Variants in MYCT1 observed in about 807,000 individuals in gnomAD.
The protein encoded by MYCT1 is MYC target 1, also known as myc target protein 1.
In MYCT1, 12 loss-of-function variants were observed where a neutral mutation model predicts 15.0. The ratio of observed to expected loss-of-function variants is 0.80; its 90% CI spans 0.51 to 1.29. The LOEUF (loss-of-function observed/expected upper bound fraction) is 1.29, where lower values mean the gene tolerates loss of function less well. Ranked by LOEUF, MYCT1 falls within the 50% of genes most tolerant of loss-of-function variation. MYCT1 has a pLI of 0.00. For missense variants in MYCT1, 287 were observed against 279.1 expected, an observed-to-expected ratio of 1.03 and a Z score of -0.20; for synonymous variants, 104 against 102.7, an observed-to-expected ratio of 1.01 and a Z score of -0.07.
At chr6:152,730,378 C>T in the MYCT1 span, among the ~76,000 whole-genome samples, 3 of 152,182 alleles carry the variant, frequency 2.0e-5, no homozygotes, top group Non-Finnish European at 4.4e-5. Context: ...CCATGCTCCC[C>T]GGTGGATTGA....
chr6:152,703,213 G>A (rs1198680859), intron 1 of MYCT1, among the ~76,000 whole-genome samples: 1 of 152,156 alleles, frequency 6.6e-6, no homozygotes, highest in African/African-American at 2.4e-5. Flanking sequence ...CAATTGGAGG[G>A]TTTTAAATGG....
intron 1 of MYCT1, among the ~76,000 whole-genome samples, chr6:152,706,578 A>G (rs2099722314): frequency 6.6e-6 from 1 of 152,158 alleles, no homozygotes; most frequent in Non-Finnish European, 1.5e-5. Context: ...TTTGTGTAAT[A>G]AAAGTTTGTT....
chr6:152,707,965 G>C (rs1018216248), intron 1 of MYCT1, among the ~76,000 whole-genome samples: 3 of 151,612 alleles, frequency 2.0e-5, no homozygotes, highest in Non-Finnish European at 4.4e-5. Flanking sequence ...TTGTTCCTTT[G>C]TATTGTCATC....
chr6:152,697,990 GA>G lies in MYCT1; in HGVS notation c.89del (p.Asp30AlafsTer27). On this transcript the variant is annotated frameshift_variant, in exon 1 of 2. Transcript: ENST00000367245. LOFTEE classifies it high-confidence loss of function. ...AGATAGAATCAAACTGCTTTTTTTC[GA>G]CATACTGGTTTTTCTTTCTGTTTTT... The part of the protein sequence containing the change: ...QRDRIKLLFF[D>X]ILVFLSVFLL... 1 of 1,607,042 alleles carries G rather than the reference GA, an allele frequency of 6.2e-7. No homozygotes were observed.
the MYCT1 span, among the ~76,000 whole-genome samples, chr6:152,738,220 TA>T: frequency 6.6e-6 from 1 of 152,092 alleles, no homozygotes; most frequent in African/African-American, 2.4e-5. Flanking sequence ...CATAGACATA[TA>T]TTTAACATGT....
intron 1 of MYCT1, among the ~76,000 whole-genome samples, chr6:152,712,475 G>A (rs1450509608): frequency 9.8e-5 from 7 of 71,148 alleles, no homozygotes; most frequent in Non-Finnish European, 1.3e-4. Flanking sequence ...GCAATGCCTC[G>A]CCCTGCTTCG....
At chr6:152,730,269 T>C in the MYCT1 span, among the ~76,000 whole-genome samples, 266 of 152,262 alleles carry the variant, frequency 1.7e-3, 2 homozygotes, top group African/African-American at 6.1e-3. Context: ...AGGGCCAATC[T>C]TCAGACGGAA....
intron 1 of MYCT1, among the ~76,000 whole-genome samples, chr6:152,716,353 A>G (rs1310339072): frequency 1.3e-5 from 2 of 152,184 alleles, no homozygotes; most frequent in African/African-American, 2.4e-5. Flanking sequence ...TATACACTCT[A>G]TGATACCAAG....
intron 1 of MYCT1, among the ~76,000 whole-genome samples, chr6:152,715,563 C>T (rs984544509): frequency 1.4e-5 from 1 of 72,290 alleles, no homozygotes; most frequent in Admixed American, 1.8e-4. Context: ...GTCTCATTCA[C>T]ATTTTCTTAG....
Position 152,722,414 on chromosome 6 carries a change from T to G in MYCT1, c.*161T>G. 1 of 652,338 alleles carries G rather than the reference T, an allele frequency of 1.5e-6. No homozygotes were observed. Among genetic ancestry groups the G allele is most frequent in the Non-Finnish European group, 2.5e-6 (1 of 407,456 alleles). 40.4% of individuals were successfully genotyped at this position (652,338 alleles called of 1,614,324 possible). Reference sequence around the variant, plus strand: ...TTGGACATTACAATGTAAAACACATTTTCTTCAAACACGTTTTCCCTTTTG... The same window carrying G: ...TTGGACATTACAATGTAAAACACATGTTCTTCAAACACGTTTTCCCTTTTG... On this transcript the variant is annotated 3_prime_UTR_variant, in exon 2 of 2. Coordinates refer to ENST00000367245, the MANE Select transcript of MYCT1 (RefSeq NM_025107.3).
intron 1 of MYCT1, among the ~76,000 whole-genome samples, chr6:152,707,540 C>T (rs1385050434): frequency 1.3e-5 from 2 of 151,698 alleles, no homozygotes; most frequent in Non-Finnish European, 2.9e-5. Context: ...TTGCTTTTTT[C>T]CTGTGCTGTC....
At chr6:152,716,593 A>G (rs2099723727) in intron 1 of MYCT1, among the ~76,000 whole-genome samples, 1 of 152,196 alleles carries the variant, frequency 6.6e-6, no homozygotes, top group Non-Finnish European at 1.5e-5. Context: ...CAATATTACA[A>G]TATTAAAATT....
At chr6:152,707,153 C>T (rs2099722432) in intron 1 of MYCT1, among the ~76,000 whole-genome samples, 1 of 152,076 alleles carries the variant, frequency 6.6e-6, no homozygotes, top group Non-Finnish European at 1.5e-5. Context: ...TCTCCACATC[C>T]TCACCAGCAC....
chr6:152,743,371 G>A, the MYCT1 span, among the ~76,000 whole-genome samples: 2 of 152,120 alleles, frequency 1.3e-5, no homozygotes, highest in Non-Finnish European at 1.5e-5. Flanking sequence ...CGGCCCTTGC[G>A]TGGTATTTCT....
intron 1 of MYCT1, among the ~76,000 whole-genome samples, chr6:152,699,740 T>C (rs1009942645): frequency 6.6e-6 from 1 of 152,064 alleles, no homozygotes; most frequent in Admixed American, 6.5e-5. Context: ...AAATTTCAGG[T>C]TTACTTAAAA....
chr6:152,728,478 G>C (rs1339749689), downstream of MYCT1, among the ~76,000 whole-genome samples: 1 of 151,998 alleles, frequency 6.6e-6, no homozygotes, highest in Non-Finnish European at 1.5e-5. Context: ...AGGATCAATG[G>C]GAAAAATCGT....
chr6:152,740,026 G>A, the MYCT1 span, among the ~76,000 whole-genome samples: 2 of 151,838 alleles, frequency 1.3e-5, no homozygotes, highest in East Asian at 1.9e-4. Context: ...TTTTATATAT[G>A]TATATTGTTA....
At chr6:152,721,599 C>T (rs1376073459) in intron 1 of MYCT1, 143 bp from the exon 2 acceptor site, 2 of 743,926 alleles carry the variant, frequency 2.7e-6, no homozygotes, top group East Asian at 5.4e-5. Flanking sequence ...TCATATCCAC[C>T]TAACACTGTC....
chr6:152,721,077 G>A (rs960356709), intron 1 of MYCT1, among the ~76,000 whole-genome samples: 63 of 152,176 alleles, frequency 4.1e-4, no homozygotes, highest in African/African-American at 1.4e-3. Flanking sequence ...CGTAACAGAA[G>A]CATGAGCTGG....
Sources: gnomAD v4.1 joint callset for allele counts (sites outside exome capture counted in the v4.1 genomes callset) on GRCh38, gnomAD v4.1.1 for gene constraint, MANE v1.5 for transcripts, NCBI Gene and HGNC (gene_info 2026-07-23, HGNC 2026-07-21) for gene names.